The following VWA3B variants were observed in gnomAD, a reference collection of about 807,000 sequenced individuals.
VWA3B encodes von Willebrand factor A domain-containing protein 3B.
In VWA3B, 138 loss-of-function variants were observed where a neutral mutation model predicts 158.3. That is an observed-to-expected ratio of 0.87 (90% CI 0.76 to 1.00). The LOEUF (loss-of-function observed/expected upper bound fraction) is 1.00. Ranked by LOEUF, VWA3B falls within the 50% of genes least tolerant of loss-of-function variation. The pLI, the probability that VWA3B is intolerant of heterozygous loss-of-function variation, is 0.00. For synonymous variants in VWA3B, 596 were observed against 587.3 expected (o/e 1.01, Z -0.21); for missense variants, 1,555 against 1,565.1 (o/e 0.99, Z 0.11).
At chr2:98,320,916 C>G in the VWA3B span, among the ~76,000 whole-genome samples, 2 of 152,192 alleles carry the variant, frequency 1.3e-5, no homozygotes, top group Non-Finnish European at 2.9e-5. Flanking sequence ...AAAATGTCTC[C>G]AGGCCCTGTC....
At chr2:98,134,483 G>C (rs779848102) in intron 7 of VWA3B, among the ~76,000 whole-genome samples, 22 of 152,172 alleles carry the variant, frequency 1.4e-4, no homozygotes, top group Non-Finnish European at 3.1e-4. Context: ...CAAATCAGCG[G>C]GAAATAGGCT....
chr2:98,120,238 G>A (rs1674860388), intron 4 of VWA3B, among the ~76,000 whole-genome samples: 1 of 152,144 alleles, frequency 6.6e-6, no homozygotes, highest in African/African-American at 2.4e-5. Context: ...ATATTTCAGA[G>A]TTTTCACAAC....
At chr2:98,266,015 G>C (rs1364506524) in intron 21 of VWA3B, among the ~76,000 whole-genome samples, 187 of 146,608 alleles carry the variant, frequency 1.3e-3, no homozygotes, top group African/African-American at 4.3e-3. Flanking sequence ...TCTGATGGTA[G>C]TTTCTTTTGC....
chr2:98,310,766 A>T (rs1216337915), intron 26 of VWA3B, among the ~76,000 whole-genome samples: 1 of 152,126 alleles, frequency 6.6e-6, no homozygotes, highest in Non-Finnish European at 1.5e-5. Flanking sequence ...TTTAAAGATG[A>T]TTTTGTCTGT....
At chr2:98,188,156 A>C in intron 10 of VWA3B, 27 bp downstream of exon 10, 1 of 1,600,560 alleles carries the variant, frequency 6.2e-7, no homozygotes, top group Non-Finnish European at 8.5e-7. Flanking sequence ...GGAAGTTACA[A>C]GTGGTCTCCT....
intron 2 of VWA3B, among the ~76,000 whole-genome samples, chr2:98,105,947 G>A (rs1005829613): frequency 1.3e-5 from 2 of 151,122 alleles, no homozygotes; most frequent in Non-Finnish European, 2.9e-5. Context: ...ACAGAGTCTC[G>A]CTCTGTTGCC....
intron 12 of VWA3B, among the ~76,000 whole-genome samples, chr2:98,198,311 G>A (rs1487893540): frequency 1.3e-5 from 2 of 151,974 alleles, no homozygotes; most frequent in Non-Finnish European, 1.5e-5. Flanking sequence ...TACTCTACAA[G>A]AAACAAATTT....
intron 25 of VWA3B, among the ~76,000 whole-genome samples, chr2:98,301,182 C>G (rs1423336379): frequency 6.6e-6 from 1 of 151,638 alleles, no homozygotes; most frequent in African/African-American, 2.4e-5. Flanking sequence ...CCCAGCTACT[C>G]GGGAGGCTGA....
chr2:98,193,541 G>A (rs569065423), intron 11 of VWA3B, among the ~76,000 whole-genome samples: 1 of 152,038 alleles, frequency 6.6e-6, no homozygotes, highest in South Asian at 2.1e-4. Flanking sequence ...TTGTAGTATT[G>A]ATGTATTATT....
At position 98,201,120 on chromosome 2, in the gene VWA3B, C is replaced by G. The variant is rs145011918; in HGVS notation, c.1737+6628C>G. Among the ~76,000 whole-genome samples, 481 of 152,182 alleles carry G rather than the reference C, an allele frequency of 3.2e-3. 3 individuals carry two copies. The highest frequency in any genetic ancestry group is 0.011 in the African/African-American group (463 of 41,516). ...TTGGCTGTTATATAGTTCCTTTGACCTGCCTTGTACATTTCAGAATCAGTT... is the reference window on the plus strand; with the variant it reads ...TTGGCTGTTATATAGTTCCTTTGACGTGCCTTGTACATTTCAGAATCAGTT... On this transcript the variant is annotated intron_variant, in intron 12 of 27. Coordinates refer to ENST00000477737, the MANE Select transcript of VWA3B (RefSeq NM_144992.5).
chr2:98,135,862 C>A (rs984996293), intron 7 of VWA3B, among the ~76,000 whole-genome samples: 1 of 152,210 alleles, frequency 6.6e-6, no homozygotes, highest in Non-Finnish European at 1.5e-5. Flanking sequence ...TGATTTCCCA[C>A]CTCACCTGGG....
the VWA3B span, among the ~76,000 whole-genome samples, chr2:98,328,321 T>C: frequency 6.6e-6 from 1 of 152,194 alleles, no homozygotes; most frequent in Non-Finnish European, 1.5e-5. Flanking sequence ...TGACCACTTC[T>C]GTTAAACATT....
intron 13 of VWA3B, among the ~76,000 whole-genome samples, chr2:98,212,645 C>T (rs1213780614): frequency 6.6e-6 from 1 of 152,148 alleles, no homozygotes; most frequent in Non-Finnish European, 1.5e-5. Flanking sequence ...AGTGTCAACT[C>T]GCGTCCTTCC....
chr2:98,189,658 TG>T (rs1681412046), intron 10 of VWA3B, among the ~76,000 whole-genome samples: 1 of 152,236 alleles, frequency 6.6e-6, no homozygotes, highest in Admixed American at 6.5e-5. Context: ...TATAAATTAT[TG>T]AGAAAAGAGT....
chr2:98,242,970 C>T (rs934045160), intron 19 of VWA3B, among the ~76,000 whole-genome samples: 1 of 151,798 alleles, frequency 6.6e-6, no homozygotes, highest in African/African-American at 2.4e-5. Flanking sequence ...ACAAAACCTA[C>T]ATATGTATAT....
chr2:98,294,989 T>A (rs554618863), intron 23 of VWA3B, among the ~76,000 whole-genome samples: 19 of 152,286 alleles, frequency 1.2e-4, no homozygotes, highest in African/African-American at 4.1e-4. Context: ...CTGCATCCGA[T>A]GTGAGAGCTC....
intron 8 of VWA3B, among the ~76,000 whole-genome samples, chr2:98,163,258 G>A (rs1207519634): frequency 6.6e-6 from 1 of 152,178 alleles, no homozygotes; most frequent in Non-Finnish European, 1.5e-5. Flanking sequence ...CAGATGCTTG[G>A]GCCGGGCGCG....
chr2:98,090,338 A>G (rs1460128151), intron 1 of VWA3B, among the ~76,000 whole-genome samples: 2 of 152,204 alleles, frequency 1.3e-5, no homozygotes, highest in Non-Finnish European at 2.9e-5. Context: ...GCTTGGGATG[A>G]AAGTGGGTCT....
At chr2:98,170,245 C>T (rs1374517937) in intron 8 of VWA3B, among the ~76,000 whole-genome samples, 18 of 152,208 alleles carry the variant, frequency 1.2e-4, no homozygotes, top group East Asian at 1.9e-4. Context: ...TTTGGAATAA[C>T]CTTCACAGCC....
Sources: allele counts gnomAD v4.1 joint callset (sites outside exome capture counted in the v4.1 genomes callset), GRCh38; gene constraint gnomAD v4.1.1; transcripts MANE v1.5; gene names NCBI Gene and HGNC (gene_info 2026-07-23, HGNC 2026-07-21).